Variants in PDE4B observed in about 807,000 individuals in gnomAD.
The protein encoded by PDE4B is 3',5'-cyclic-AMP phosphodiesterase 4B.
In PDE4B, 20 loss-of-function variants were observed where a neutral mutation model predicts 82.2. The ratio of observed to expected loss-of-function variants is 0.24; its 90% confidence interval spans 0.17 to 0.35. PDE4B has a LOEUF of 0.35. PDE4B is among the 10% of genes least tolerant of loss of function. The pLI is 1.00. For missense variants in PDE4B, 655 were observed against 907.2 expected, an observed-to-expected ratio of 0.72 and a Z score of 3.57; for synonymous variants, 320 against 318.9, an observed-to-expected ratio of 1.00 and a Z score of -0.04.
At chr1:66,361,208 T>A (rs547046889) in intron 9 of PDE4B, among the ~76,000 whole-genome samples, 26 of 152,198 alleles carry the variant, frequency 1.7e-4, no homozygotes, top group Non-Finnish European at 3.1e-4. Flanking sequence ...TACAAAAATA[T>A]GTTAATCCCT....
chr1:65,942,779 A>T (rs1648513285), intron 3 of PDE4B, among the ~76,000 whole-genome samples: 1 of 152,000 alleles, frequency 6.6e-6, no homozygotes, highest in South Asian at 2.1e-4. Context: ...ATGATTAGTG[A>T]TGTTGAACGT....
intron 1 of PDE4B, among the ~76,000 whole-genome samples, chr1:65,910,614 A>G (rs571288909): frequency 6.6e-6 from 1 of 152,322 alleles, no homozygotes; most frequent in East Asian, 1.9e-4. Flanking sequence ...AAAAAGGGCT[A>G]TGAAATACCA....
chr1:65,857,094 C>G (rs958335312), intron 1 of PDE4B, among the ~76,000 whole-genome samples: 1 of 152,170 alleles, frequency 6.6e-6, no homozygotes, highest in African/African-American at 2.4e-5. Flanking sequence ...ACTGTTTTCT[C>G]TGGGATTTTT....
chr1:65,912,098 A>C (rs1341950990), intron 1 of PDE4B, among the ~76,000 whole-genome samples: 1 of 152,194 alleles, frequency 6.6e-6, no homozygotes, highest in Non-Finnish European at 1.5e-5. Context: ...TATTTTTGGT[A>C]CTAAGACCTT....
chr1:66,307,515 G>A (rs1325757558), intron 7 of PDE4B, among the ~76,000 whole-genome samples: 1 of 152,152 alleles, frequency 6.6e-6, no homozygotes, highest in Non-Finnish European at 1.5e-5. Flanking sequence ...CATCAGTGAG[G>A]TAGAAAGTTG....
chr1:66,005,245 G>T (rs769634498), intron 3 of PDE4B, among the ~76,000 whole-genome samples: 2 of 151,900 alleles, frequency 1.3e-5, no homozygotes, highest in Non-Finnish European at 2.9e-5. Context: ...ACAGGAGACA[G>T]ACTAAGTGGT....
intron 7 of PDE4B, among the ~76,000 whole-genome samples, chr1:66,319,135 A>T (rs1012139095): frequency 2.0e-5 from 3 of 152,346 alleles, no homozygotes; most frequent in South Asian, 2.1e-4. Context: ...TGATGTATCC[A>T]AGGTCGTGTG....
chr1:65,801,004 C>T (rs1313734430), intron 1 of PDE4B, among the ~76,000 whole-genome samples: 1 of 152,198 alleles, frequency 6.6e-6, no homozygotes, highest in African/African-American at 2.4e-5. Context: ...GAAAGCAAAA[C>T]ATTCAATTTT....
intron 3 of PDE4B, among the ~76,000 whole-genome samples, chr1:65,994,854 A>G (rs1430987495): frequency 5.3e-5 from 8 of 152,024 alleles, no homozygotes; most frequent in Non-Finnish European, 1.2e-4. Context: ...TCTTTTTCTT[A>G]TAATAGATTT....
rs894640999 is a variant in PDE4B, at chr1:66,158,535, G to T, written c.282-88925G>T. ...TACAGCCATTCTGGAAAATAGTAAA[G>T]AGTTTCCTCAAAAAACTAAAACTAG... On this transcript the variant is annotated intron_variant, in intron 3 of 16. Coordinates refer to ENST00000341517, the MANE Select transcript of PDE4B (RefSeq NM_002600.4). Among the ~76,000 whole-genome samples, 2 of 152,130 alleles carry T rather than the reference G, an allele frequency of 1.3e-5. 1 individual carries two copies. Among genetic ancestry groups the T allele is most frequent in the African/African-American group, 4.8e-5 (2 of 41,408 alleles).
intron 3 of PDE4B, among the ~76,000 whole-genome samples, chr1:66,171,703 A>G (rs558217684): frequency 6.6e-6 from 1 of 152,228 alleles, no homozygotes; most frequent in South Asian, 2.1e-4. Flanking sequence ...CCTGAGCTTT[A>G]ATTTTCTTGT....
rs2101918009 is a variant in PDE4B, at chr1:66,332,587, C to T, written c.714C>T (p.Thr238=). The T allele has an allele frequency of 1.2e-6, 2 of 1,614,044 alleles. No homozygotes were observed. The highest frequency in any genetic ancestry group is 1.3e-5 in the African/African-American group (1 of 75,036). ...WCLDQLETIQ[T]YRSVSEMASN... is the part of the protein sequence containing the mutation. ...TAGACCAGCTAGAGACCATACAGAC[C>T]TACCGGTCTGTCAGTGAGATGGCTT... Residue 238 remains threonine, a synonymous_variant, in exon 8 of 17, where the codon ACC becomes ACT. Coordinates refer to ENST00000341517, the MANE Select transcript of PDE4B (RefSeq NM_002600.4).
chr1:66,042,771 T>G (rs1345660679), intron 3 of PDE4B: 1 of 151,816 alleles, frequency 6.6e-6, no homozygotes, highest in Non-Finnish European at 1.5e-5. Context: ...AAGACTATTT[T>G]GTATTAGCCA....
intron 1 of PDE4B, among the ~76,000 whole-genome samples, chr1:65,843,747 C>A (rs1646236616): frequency 6.6e-6 from 1 of 151,846 alleles, no homozygotes; most frequent in African/African-American, 2.4e-5. Context: ...ACATATTATT[C>A]TTCCAAAAAT....
chr1:66,121,700 A>G (rs1044016016), intron 3 of PDE4B, among the ~76,000 whole-genome samples: 4 of 152,202 alleles, frequency 2.6e-5, no homozygotes, highest in Non-Finnish European at 5.9e-5. Context: ...AGCCGAATAC[A>G]GTTCTTGGCA....
At chr1:66,293,928 G>A (rs1029167990) in intron 7 of PDE4B, among the ~76,000 whole-genome samples, 12 of 152,194 alleles carry the variant, frequency 7.9e-5, no homozygotes, top group African/African-American at 2.2e-4. Flanking sequence ...CTCTGTGGCC[G>A]GACATGGTGG....
intron 3 of PDE4B, among the ~76,000 whole-genome samples, chr1:66,122,421 A>G (rs1243011290): frequency 6.6e-6 from 1 of 152,220 alleles, no homozygotes; most frequent in African/African-American, 2.4e-5. Flanking sequence ...TTTAGACCCA[A>G]GAGATATATT....
At chr1:66,179,135 GCCA>G (rs1279404941) in intron 3 of PDE4B, among the ~76,000 whole-genome samples, 2 of 152,158 alleles carry the variant, frequency 1.3e-5, no homozygotes, top group Non-Finnish European at 2.9e-5. Context: ...ACAGGCGTGA[GCCA>G]CCATGCCCGG....
At chr1:66,165,360 G>A (rs1355394126) in intron 3 of PDE4B, among the ~76,000 whole-genome samples, 1 of 152,072 alleles carries the variant, frequency 6.6e-6, no homozygotes, top group East Asian at 1.9e-4. Context: ...ACTATTATCT[G>A]AGGGGCAATG....
Sources: allele counts gnomAD v4.1 joint callset (sites outside exome capture counted in the v4.1 genomes callset), GRCh38; gene constraint gnomAD v4.1.1; transcripts MANE v1.5; gene names NCBI Gene and HGNC (gene_info 2026-07-23, HGNC 2026-07-21).